The following PDE4D variants were observed in gnomAD, a reference collection of about 807,000 sequenced individuals.
PDE4D encodes 3',5'-cyclic-AMP phosphodiesterase 4D.
PDE4D carries 24 observed loss-of-function variants against 87.4 expected under a neutral mutation model. The ratio of observed to expected loss-of-function variants is 0.27; its 90% CI spans 0.20 to 0.39. The LOEUF is 0.39. Among genes scored for constraint, PDE4D ranks in the 10% least tolerant of loss-of-function variants. The pLI is 1.00. For synonymous variants in PDE4D, 384 were observed against 383.2 expected (o/e 1.00, Z -0.02); for missense variants, 714 against 1,041.0 (o/e 0.69, Z 4.32).
chr5:59,078,219 G>A (rs1460988923), intron 5 of PDE4D, among the ~76,000 whole-genome samples: 1 of 152,078 alleles, frequency 6.6e-6, no homozygotes, highest in African/African-American at 2.4e-5. Flanking sequence ...ATAGTTAAAG[G>A]ATAAACTTGA....
chr5:59,088,266 C>T (rs1209388281), intron 5 of PDE4D, among the ~76,000 whole-genome samples: 1 of 152,128 alleles, frequency 6.6e-6, no homozygotes, highest in African/African-American at 2.4e-5. Flanking sequence ...CTTTCTCTTT[C>T]TCTCCTTCTC....
At chr5:59,237,641 G>T (rs1756730874) in intron 1 of PDE4D, among the ~76,000 whole-genome samples, 1 of 152,084 alleles carries the variant, frequency 6.6e-6, no homozygotes, top group South Asian at 2.1e-4. Context: ...AGGCCTCATG[G>T]TCTCAAATAA....
chr5:59,005,126 A>G (rs1751345764), intron 6 of PDE4D, among the ~76,000 whole-genome samples: 1 of 152,210 alleles, frequency 6.6e-6, no homozygotes, highest in Non-Finnish European at 1.5e-5. Flanking sequence ...AAAAACATTT[A>G]AAACAGATTA....
intron 1 of PDE4D, among the ~76,000 whole-genome samples, chr5:59,678,629 A>C (rs1489414392): frequency 6.6e-6 from 1 of 151,950 alleles, no homozygotes; most frequent in Non-Finnish European, 1.5e-5. Flanking sequence ...CAGTGCCTGG[A>C]TATTTCTGTA....
chr5:59,944,660 C>T (rs186873938), intron 3 of PDE4D, among the ~76,000 whole-genome samples: 56 of 151,754 alleles, frequency 3.7e-4, no homozygotes, highest in African/African-American at 8.7e-4. Flanking sequence ...CGTGAGCCAC[C>T]GCACCCAGCA....
chr5:59,310,349 T>C (rs1772330403), intron 1 of PDE4D, among the ~76,000 whole-genome samples: 1 of 152,200 alleles, frequency 6.6e-6, no homozygotes, highest in Admixed American at 6.5e-5. Flanking sequence ...ATCATGCAAC[T>C]TCTTTCTCTG....
At chr5:59,291,895 C>A (rs1170860309) in intron 1 of PDE4D, among the ~76,000 whole-genome samples, 1 of 151,596 alleles carries the variant, frequency 6.6e-6, no homozygotes, top group Non-Finnish European at 1.5e-5. Flanking sequence ...AAAATATCCA[C>A]AAACAACATA....
intron 2 of PDE4D, among the ~76,000 whole-genome samples, chr5:59,211,392 T>C (rs983586123): frequency 1.3e-5 from 2 of 152,100 alleles, no homozygotes; most frequent in Non-Finnish European, 2.9e-5. Flanking sequence ...TCTCTAAGAG[T>C]TGGCTGCATA....
chr5:60,357,549 T>C (rs1031132936), intron 1 of PDE4D, among the ~76,000 whole-genome samples: 1 of 152,220 alleles, frequency 6.6e-6, no homozygotes, highest in African/African-American at 2.4e-5. Flanking sequence ...TTTTATTTTT[T>C]ATGCCAGACC....
chr5:59,686,177 C>T (rs964822397), intron 1 of PDE4D, among the ~76,000 whole-genome samples: 1 of 152,080 alleles, frequency 6.6e-6, no homozygotes, highest in Non-Finnish European at 1.5e-5. Context: ...AAGATTATAA[C>T]AATCAACTAA....
chr5:59,779,103 A>G (rs1322452753), intron 1 of PDE4D, among the ~76,000 whole-genome samples: 1 of 152,054 alleles, frequency 6.6e-6, no homozygotes, highest in Non-Finnish European at 1.5e-5. Context: ...CGGAGGTTGC[A>G]GTGAGCCGAG....
intron 1 of PDE4D, among the ~76,000 whole-genome samples, chr5:59,542,873 T>C (rs1370386848): frequency 6.6e-6 from 1 of 152,126 alleles, no homozygotes; most frequent in African/African-American, 2.4e-5. Context: ...GCCTCAGAGA[T>C]GAAATGTGCA....
intron 1 of PDE4D, among the ~76,000 whole-genome samples, chr5:60,289,804 G>C (rs1383787083): frequency 6.6e-6 from 1 of 152,104 alleles, no homozygotes; most frequent in Non-Finnish European, 1.5e-5. Context: ...GGCATGGAAA[G>C]GTACCAGGAA....
intron 2 of PDE4D, among the ~76,000 whole-genome samples, chr5:60,038,941 G>C (rs1214503282): frequency 6.6e-6 from 1 of 150,614 alleles, no homozygotes; most frequent in Non-Finnish European, 1.5e-5. Context: ...GAAACAACAG[G>C]TGCTGGAGAG....
At chr5:59,052,373 G>A (rs1761684555) in intron 5 of PDE4D, among the ~76,000 whole-genome samples, 1 of 152,144 alleles carries the variant, frequency 6.6e-6, no homozygotes, top group African/African-American at 2.4e-5. Context: ...ACAGTAAATG[G>A]GCTGGGTGGA....
intron 1 of PDE4D, among the ~76,000 whole-genome samples, chr5:59,836,638 C>CTATCTATCTATCTATA (rs1554095504): frequency 1.3e-5 from 2 of 150,474 alleles, no homozygotes; most frequent in African/African-American, 5.0e-5. Flanking sequence ...ATCTATCTAT[C>CTATCTATCTATCTATA]TATCTATCTA....
At chr5:59,674,826 A>G (rs1441249387) in intron 1 of PDE4D, among the ~76,000 whole-genome samples, 1 of 152,232 alleles carries the variant, frequency 6.6e-6, no homozygotes, top group African/African-American at 2.4e-5. Context: ...TCACAATTTG[A>G]AACAGGTGCT....
intron 1 of PDE4D, among the ~76,000 whole-genome samples, chr5:59,602,240 C>T (rs559212785): frequency 3.6e-4 from 55 of 151,966 alleles, no homozygotes; most frequent in Admixed American, 1.6e-3. Flanking sequence ...ATAAAAACCC[C>T]TCAACAAATT....
At chr5:59,234,874 C>T (rs1392409662) in intron 1 of PDE4D, among the ~76,000 whole-genome samples, 1 of 151,686 alleles carries the variant, frequency 6.6e-6, no homozygotes, top group Non-Finnish European at 1.5e-5. Context: ...GAGCAAATGC[C>T]AGTACTTCAT....
Sources: allele counts gnomAD v4.1 joint callset (sites outside exome capture counted in the v4.1 genomes callset), GRCh38; gene constraint gnomAD v4.1.1; transcripts MANE v1.5; gene names NCBI Gene and HGNC (gene_info 2026-07-23, HGNC 2026-07-21).